Variants in PLXNA4 observed in about 807,000 individuals in gnomAD.
PLXNA4 encodes plexin-A4.
A neutral mutation model predicts 191.8 loss-of-function variants in PLXNA4; 44 were observed. The observed-to-expected ratio is 0.23, with a 90% CI of 0.18 to 0.29. PLXNA4 has a LOEUF of 0.29. PLXNA4 is among the 10% of genes least tolerant of loss of function. The pLI, the probability that PLXNA4 is intolerant of heterozygous loss-of-function variation, is 1.00. For missense variants in PLXNA4, 1,800 were observed against 2,488.8 expected (o/e 0.72, Z 5.89); for synonymous variants, 1,082 against 1,009.5 (o/e 1.07, Z -1.36).
intron 3 of PLXNA4, among the ~76,000 whole-genome samples, chr7:132,396,276 G>C (rs1793752820): frequency 6.6e-6 from 1 of 152,168 alleles, no homozygotes; most frequent in Non-Finnish European, 1.5e-5. Context: ...GGTTCCCTAG[G>C]TATCTATGGA....
intron 4 of PLXNA4, among the ~76,000 whole-genome samples, chr7:132,265,609 G>A (rs971584997): frequency 3.9e-5 from 6 of 152,168 alleles, no homozygotes; most frequent in Admixed American, 6.5e-5. Flanking sequence ...AGATCAGTGG[G>A]GTCCTTCCTA....
At chr7:132,407,596 C>A (rs1237071992) in intron 3 of PLXNA4, among the ~76,000 whole-genome samples, 3 of 152,178 alleles carry the variant, frequency 2.0e-5, no homozygotes, top group Non-Finnish European at 2.9e-5. Context: ...TGGAAACCAA[C>A]CTACTTTGTT....
chr7:132,585,088 T>C (rs555065958), intron 2 of PLXNA4, among the ~76,000 whole-genome samples: 1 of 152,248 alleles, frequency 6.6e-6, no homozygotes, highest in Admixed American at 6.5e-5. Flanking sequence ...GAATGAGACT[T>C]CATCTCTCAT....
intron 21 of PLXNA4, among the ~76,000 whole-genome samples, chr7:132,169,283 C>T (rs1338197346): frequency 6.6e-6 from 1 of 152,238 alleles, no homozygotes; most frequent in East Asian, 1.9e-4. Flanking sequence ...TATCTTTCTG[C>T]CTCCATTGTC....
At chr7:132,463,933 A>G (rs774637273) in intron 3 of PLXNA4, among the ~76,000 whole-genome samples, 5 of 152,178 alleles carry the variant, frequency 3.3e-5, no homozygotes, top group Admixed American at 6.5e-5. Flanking sequence ...AGCCTGTCCA[A>G]TACATCTCAG....
At chr7:132,361,471 T>C (rs1803939322) in intron 3 of PLXNA4, among the ~76,000 whole-genome samples, 1 of 152,232 alleles carries the variant, frequency 6.6e-6, no homozygotes. Flanking sequence ...AGTTTGAGAA[T>C]GGTCTGTCAG....
intron 2 of PLXNA4, among the ~76,000 whole-genome samples, chr7:132,623,639 A>T (rs1803315448): frequency 6.6e-6 from 1 of 152,188 alleles, no homozygotes; most frequent in African/African-American, 2.4e-5. Flanking sequence ...CAAGGAGAGG[A>T]GGACCTAGAG....
chr7:132,515,817 C>T (rs183704620), intron 1 of PLXNA4, among the ~76,000 whole-genome samples: 2 of 152,266 alleles, frequency 1.3e-5, no homozygotes, highest in Non-Finnish European at 2.9e-5. Context: ...CTAAGATGCC[C>T]CTACTATATA....
chr7:132,457,864 A>G (rs1796366196), intron 3 of PLXNA4, among the ~76,000 whole-genome samples: 1 of 152,254 alleles, frequency 6.6e-6, no homozygotes, highest in Non-Finnish European at 1.5e-5. Context: ...ATGCAGCCCC[A>G]GAGGCTGGAA....
chr7:132,365,360 T>TGTGTGTGTGTGCGCGCGC, intron 3 of PLXNA4, among the ~76,000 whole-genome samples: 68 of 128,812 alleles, frequency 5.3e-4, no homozygotes, highest in East Asian at 4.4e-3. Flanking sequence ...TGTGTGTGTG[T>TGTGTGTGTGTGCGCGCGC]GCGTGCGCGC....
intron 15 of PLXNA4, among the ~76,000 whole-genome samples, chr7:132,187,113 C>A (rs375358932): frequency 6.6e-6 from 1 of 152,002 alleles, no homozygotes; most frequent in Admixed American, 6.5e-5. Flanking sequence ...GCAAGAAAAA[C>A]CTATTTCAAC....
intron 30 of PLXNA4, among the ~76,000 whole-genome samples, chr7:132,134,873 C>T (rs1795068739): frequency 6.6e-6 from 1 of 152,146 alleles, no homozygotes; most frequent in Non-Finnish European, 1.5e-5. Flanking sequence ...GCTTTCTTTG[C>T]TCCATCCCCA....
At chr7:132,348,930 C>T (rs1227553279) in intron 3 of PLXNA4, among the ~76,000 whole-genome samples, 1 of 152,180 alleles carries the variant, frequency 6.6e-6, no homozygotes, top group Non-Finnish European at 1.5e-5. Flanking sequence ...CCCCACTGCA[C>T]ACTGAATGGA....
chr7:132,163,311 T>C (rs1311082896), intron 24 of PLXNA4, among the ~76,000 whole-genome samples: 3 of 152,194 alleles, frequency 2.0e-5, no homozygotes, highest in East Asian at 1.9e-4. Context: ...CACTAGTGCA[T>C]GAGTATGACG....
intron 3 of PLXNA4, among the ~76,000 whole-genome samples, chr7:132,326,630 G>C (rs939371023): frequency 6.6e-6 from 1 of 152,130 alleles, no homozygotes; most frequent in African/African-American, 2.4e-5. Context: ...CTCGCTTCCC[G>C]CGGCCTTGCA....
intron 3 of PLXNA4, among the ~76,000 whole-genome samples, chr7:132,431,640 C>T (rs886458898): frequency 6.6e-6 from 1 of 152,166 alleles, no homozygotes; most frequent in African/African-American, 2.4e-5. Flanking sequence ...AGAGGGCTCA[C>T]TTTTGGGAAC....
At chr7:132,431,826 T>A (rs1245707091) in intron 3 of PLXNA4, among the ~76,000 whole-genome samples, 1 of 152,176 alleles carries the variant, frequency 6.6e-6, no homozygotes. Flanking sequence ...TGAGATAATG[T>A]GTGTTCAGCA....
At chr7:132,648,079 TCA>T (rs34464737) in intron 1 of PLXNA4, among the ~76,000 whole-genome samples, 1,636 of 151,248 alleles carry the variant, frequency 0.011, 33 homozygotes, top group African/African-American at 0.037. Context: ...ACACACAAAC[TCA>T]CAAACTCAGT....
intron 2 of PLXNA4, among the ~76,000 whole-genome samples, chr7:132,594,679 A>G (rs898020576): frequency 3.3e-5 from 5 of 152,260 alleles, no homozygotes; most frequent in Middle Eastern, 3.4e-3. Context: ...AGTTTTGACA[A>G]AGAACGGTTC....
Sources: gnomAD v4.1 joint callset for allele counts (sites outside exome capture counted in the v4.1 genomes callset) on GRCh38, gnomAD v4.1.1 for gene constraint, MANE v1.5 for transcripts, NCBI Gene and HGNC (gene_info 2026-07-23, HGNC 2026-07-21) for gene names.